STX3: variants seen among roughly 807,000 people sequenced by gnomAD.
STX3 encodes the protein syntaxin-3.
A neutral mutation model predicts 40.2 loss-of-function variants in STX3; 19 were observed. The observed-to-expected ratio is 0.47, with a 90% CI of 0.33 to 0.69. STX3 has a LOEUF of 0.69. Among genes scored for constraint, STX3 ranks in the 30% least tolerant of loss-of-function variants. The probability of loss-of-function intolerance (pLI) is 0.02; values close to 1 mark genes in which losing one functional copy is unlikely to be tolerated. For synonymous variants in STX3, 122 were observed against 132.2 expected (o/e 0.92, Z 0.53); for missense variants, 364 against 366.7 (o/e 0.99, Z 0.06).
At chr11:59,800,155 T>A in intron 10 of STX3, 1 of 985,442 alleles carries the variant, frequency 1.0e-6, no homozygotes, top group Non-Finnish European at 1.2e-6. Flanking sequence ...TTAAGCTGCT[T>A]TTTTTGTAGT....
intron 2 of STX3, among the ~76,000 whole-genome samples, chr11:59,774,105 C>A (rs151199807): frequency 2.0e-5 from 3 of 152,058 alleles, no homozygotes; most frequent in East Asian, 3.9e-4. Flanking sequence ...GTCTACAGAT[C>A]CATGTACTCT....
intron 2 of STX3, among the ~76,000 whole-genome samples, chr11:59,777,811 A>G (rs1864068910): frequency 1.3e-5 from 2 of 152,166 alleles, no homozygotes; most frequent in African/African-American, 4.8e-5. Context: ...TGTTTTGCTG[A>G]CAGATTCTGT....
At chr11:59,798,960 G>C (rs892386038) in intron 10 of STX3, among the ~76,000 whole-genome samples, 5 of 152,188 alleles carry the variant, frequency 3.3e-5, no homozygotes, top group African/African-American at 1.2e-4. Flanking sequence ...TGCGATCTTA[G>C]CTCACTGCAA....
intron 1 of STX3, among the ~76,000 whole-genome samples, chr11:59,756,211 A>G (rs1483958611): frequency 6.6e-6 from 1 of 152,116 alleles, no homozygotes; most frequent in Non-Finnish European, 1.5e-5. Context: ...GGTTAGGTCA[A>G]AGGATCTGAA....
At chr11:59,795,208 C>T (rs2085962) in intron 8 of STX3, among the ~76,000 whole-genome samples, 164 bp from the exon 9 acceptor site, 6,927 of 152,256 alleles carry the variant, frequency 0.045, 208 homozygotes, top group African/African-American at 0.057. Context: ...ACTGCCACCC[C>T]ACCACCAAGG....
At chr11:59,775,886 G>C (rs939216559) in intron 2 of STX3, among the ~76,000 whole-genome samples, 2 of 152,224 alleles carry the variant, frequency 1.3e-5, no homozygotes, top group South Asian at 4.1e-4. Context: ...GAGTGGAGAA[G>C]AGGGACAGCA....
intron 1 of STX3, among the ~76,000 whole-genome samples, chr11:59,762,331 G>T (rs1258961484): frequency 6.6e-6 from 1 of 152,202 alleles, no homozygotes; most frequent in Non-Finnish European, 1.5e-5. Flanking sequence ...CCTAGCTCAG[G>T]TGCCCACTGT....
chr11:59,793,352 C>G (rs1461987252), intron 7 of STX3, 28 bp from the exon 8 acceptor site: 1 of 1,607,194 alleles, frequency 6.2e-7, no homozygotes, highest in Non-Finnish European at 8.5e-7. Context: ...GCAGGGGTAG[C>G]TAACAGTCTG....
intron 1 of STX3, among the ~76,000 whole-genome samples, chr11:59,772,284 C>T (rs2134920319): frequency 6.6e-6 from 1 of 152,320 alleles, no homozygotes; most frequent in African/African-American, 2.4e-5. Flanking sequence ...CAGCAGCTGT[C>T]TGGGAAGAAC....
chr11:59,795,415 T>C lies in STX3; in HGVS notation c.719T>C (p.Val240Ala), dbSNP rs1233740829. Residue 240 changes from valine (V) to alanine (A), a missense_variant, in exon 9 of 11, where the codon GTG (valine) becomes GCG (alanine). Transcript: ENST00000337979. ...DNIELNVMHT[V>A]DHVEKARDET... ...ATAGAGTTGAATGTCATGCACACAG[T>C]GGACCACGTGGAGAAGGCACGAGAT... The C allele has an allele frequency of 1.2e-6, 2 of 1,613,526 alleles. No homozygotes were observed. Among genetic ancestry groups the C allele is most frequent in the African/African-American group, 2.7e-5 (2 of 74,906 alleles).
chr11:59,790,373 A>C lies in STX3; in HGVS notation c.290-146A>C, dbSNP rs376522362. 6.1e-5 allele frequency: 40 copies of C among 655,146 alleles called. No homozygotes were observed. The African/African-American group carries it at 6.5e-4, about 11-fold the overall frequency. 40.6% of individuals were successfully genotyped at this position (655,146 alleles called of 1,614,324 possible). On this transcript the variant is annotated intron_variant, in intron 4 of 10. Coordinates refer to ENST00000337979, the MANE Select transcript of STX3 (RefSeq NM_004177.5). ...CTGTGGAATGCACGTCCTGTGGCTC[A>C]TCTGGGAGCTGACCTTTTGAGGTGA...
rs551974609 is a variant in STX3 at position 59,804,456 on chromosome 11, G to A, written c.*3632G>A. 36 of 152,304 alleles carry A rather than the reference G, an allele frequency of 2.4e-4. No individual in the cohort carries two copies. The highest frequency in any genetic ancestry group is 7.5e-4 in the African/African-American group (31 of 41,562). 9.4% of individuals were successfully genotyped at this position (152,304 alleles called of 1,614,324 possible). ...TAATTAAGCTCTTATTTCAGTCATG[G>A]ACAAATCCTTGGGTTTGACTCCTAA... On this transcript the variant is annotated 3_prime_UTR_variant, in exon 11 of 11. Transcript: ENST00000337979.
At chr11:59,795,970 G>C (rs924376109) in intron 9 of STX3, among the ~76,000 whole-genome samples, 4 of 152,160 alleles carry the variant, frequency 2.6e-5, no homozygotes, top group African/African-American at 9.7e-5. Context: ...CATGGCCCAG[G>C]TGGTGCTGCT....
chr11:59,797,598 T>C (rs1217305966), intron 10 of STX3, among the ~76,000 whole-genome samples: 2 of 152,206 alleles, frequency 1.3e-5, no homozygotes, highest in Non-Finnish European at 2.9e-5. Context: ...AGCTCTCCGT[T>C]TGTTCTTATC....
Position 59,765,802 on chromosome 11 carries a change from TCAAA to T in STX3, c.31-7388_31-7385del, listed in dbSNP as rs111856818. Among the ~76,000 whole-genome samples the T allele has an allele frequency of 7.0e-3, 1,063 of 152,166 alleles. 8 individuals carry two copies. The highest frequency in any genetic ancestry group is 0.013 in the African/African-American group (528 of 41,502). ...CTGGAAGATAGAGCAAGACTCTGTCTCAAACAAACAAACAAACAAACAAAACAAA... is the reference window on the plus strand; with the variant it reads ...CTGGAAGATAGAGCAAGACTCTGTCTCAAACAAACAAACAAACAAAACAAA... On this transcript the variant is annotated intron_variant, in intron 1 of 10. Transcript: ENST00000337979.
intron 2 of STX3, among the ~76,000 whole-genome samples, chr11:59,780,223 G>C (rs1864273088): frequency 6.6e-6 from 1 of 152,208 alleles, no homozygotes; most frequent in Non-Finnish European, 1.5e-5. Flanking sequence ...AATCGCCAAT[G>C]TGATGGTATT....
Position 59,759,005 on chromosome 11 carries a change from G to T in STX3, c.30+3370G>T, listed in dbSNP as rs147543495. Among the ~76,000 whole-genome samples the T allele has an allele frequency of 8.1e-3, 1,230 of 152,316 alleles. 15 individuals are homozygous for T. Among genetic ancestry groups the T allele is most frequent in the Non-Finnish European group, 0.011 (768 of 68,024 alleles). On this transcript the variant is annotated intron_variant, in intron 1 of 10. Transcript: ENST00000337979. ...AAGCAACCACAGGAAGACCCTGTTG[G>T]CCAGTCTTTGGAAGATGGGAGATGG...
In STX3 at chr11:59,793,431, C is replaced by T. The variant is rs372664488; in HGVS notation, c.592C>T (p.His198Tyr). Reference sequence around the variant, plus strand: ...AGCCCTCAGTGAGATTGAGGGACGACACAAGGACATTGTGAGGCTGGAGAG... The same window carrying T: ...AGCCCTCAGTGAGATTGAGGGACGATACAAGGACATTGTGAGGCTGGAGAG... ...KQALSEIEGR[H>Y]KDIVRLESSI... Residue 198 changes from histidine to tyrosine, a missense_variant, in exon 8 of 11, where the codon CAC becomes TAC. Physicochemically the swap from His to Tyr is moderately conservative, Grantham distance 83. Coordinates refer to ENST00000337979, the MANE Select transcript of STX3 (RefSeq NM_004177.5). 1.2e-6 allele frequency: 2 copies of T among 1,614,148 alleles called. No individual in the cohort carries two copies. The highest frequency in any genetic ancestry group is 1.7e-6 in the Non-Finnish European group (2 of 1,180,030).
chr11:59,795,293 G>A, intron 8 of STX3, 79 bp from the exon 9 acceptor site: 1 of 1,209,476 alleles, frequency 8.3e-7, no homozygotes. Context: ...AAGATTGTAA[G>A]AAAGAGAATC....
Sources: gnomAD v4.1 joint callset for allele counts (sites outside exome capture counted in the v4.1 genomes callset) on GRCh38, gnomAD v4.1.1 for gene constraint, MANE v1.5 for transcripts, NCBI Gene and HGNC (gene_info 2026-07-23, HGNC 2026-07-21) for gene names.